Variants in ATP8A1 observed in about 807,000 individuals in gnomAD.
ATP8A1 encodes the protein phospholipid-transporting ATPase IA.
ATP8A1 carries 90 observed loss-of-function variants against 177.7 expected under a neutral mutation model. The observed-to-expected ratio is 0.51, with a 90% CI of 0.43 to 0.60. The LOEUF (loss-of-function observed/expected upper bound fraction) is 0.60. Among genes scored for constraint, ATP8A1 ranks in the 20% least tolerant of loss-of-function variants. The pLI, the probability that ATP8A1 is intolerant of heterozygous loss-of-function variation, is 0.00. For synonymous variants in ATP8A1, 493 were observed against 485.9 expected (o/e 1.01, Z -0.19); for missense variants, 1,072 against 1,392.8 (o/e 0.77, Z 3.67).
chr4:42,461,183 G>C (rs1719087714), intron 27 of ATP8A1, among the ~76,000 whole-genome samples: 1 of 151,406 alleles, frequency 6.6e-6, no homozygotes, highest in African/African-American at 2.4e-5. Context: ...GTGATTACAG[G>C]TGACAATGAT....
At chr4:42,647,378 A>G (rs1740641471) in intron 1 of ATP8A1, among the ~76,000 whole-genome samples, 1 of 152,206 alleles carries the variant, frequency 6.6e-6, no homozygotes, top group Admixed American at 6.5e-5. Context: ...ACATGTAGCT[A>G]CTGAGCACAT....
chr4:42,644,770 C>A (rs1298884438), intron 1 of ATP8A1, among the ~76,000 whole-genome samples: 1 of 151,294 alleles, frequency 6.6e-6, no homozygotes, highest in Non-Finnish European at 1.5e-5. Context: ...CTCATCTCAG[C>A]AATTAGGGAA....
At chr4:42,557,130 T>C (rs1164401720) in intron 15 of ATP8A1, among the ~76,000 whole-genome samples, 2 of 152,216 alleles carry the variant, frequency 1.3e-5, no homozygotes, top group Non-Finnish European at 2.9e-5. Context: ...ATGGAACACA[T>C]ATCTACATGT....
chr4:42,632,345 G>A (rs938632278), intron 1 of ATP8A1, among the ~76,000 whole-genome samples: 1 of 152,042 alleles, frequency 6.6e-6, no homozygotes, highest in Non-Finnish European at 1.5e-5. Flanking sequence ...GTAATATTCT[G>A]CTTGATTCCT....
At position 42,412,162 on chromosome 4, in the gene ATP8A1, C is replaced by A. The variant is rs937333200; in HGVS notation, c.*754G>T. ...ACAGAGTCACATTAACACGTGTGTC[C>A]TCTAACAAATAAACACGACAAACAA... is the stretch of plus-strand genomic sequence containing the variant. On this transcript the variant is annotated 3_prime_UTR_variant, in exon 37 of 37. Coordinates refer to ENST00000381668, the MANE Select transcript of ATP8A1 (RefSeq NM_006095.2). The A allele has an allele frequency of 7.9e-5, 12 of 152,128 alleles. No individual in the cohort carries two copies. The highest frequency in any genetic ancestry group is 2.4e-4 in the African/African-American group (10 of 41,428). The allele number at this position is 152,128 out of a possible 1,614,324, so 9.4% of individuals were successfully genotyped here.
chr4:42,636,119 T>TACACACACAC lies in ATP8A1; in HGVS notation c.50-9020_50-9011dup, dbSNP rs544619447. ...CTCCAAAGGAAAGCAATGGGCTTAA[T>TACACACACAC]ACACACACACACACACACACACACA... is the stretch of plus-strand genomic sequence containing the variant. On this transcript the variant is annotated intron_variant, in intron 1 of 36. Transcript: ENST00000381668. 1.4e-4 allele frequency among the ~76,000 whole-genome samples: 11 copies of TACACACACAC among 79,088 alleles called. No homozygotes were observed. In the South Asian group the frequency reaches 1.9e-3, roughly 14 times the overall value. The allele number at this position is 79,088 out of a possible 152,430, so 51.9% of individuals were successfully genotyped here.
intron 8 of ATP8A1, among the ~76,000 whole-genome samples, chr4:42,587,002 T>C (rs960478466): frequency 5.9e-5 from 9 of 152,230 alleles, no homozygotes; most frequent in African/African-American, 2.2e-4. Flanking sequence ...TGTGATGATC[T>C]AGTTCCAACA....
chr4:42,434,266 C>G (rs935803987), intron 33 of ATP8A1, among the ~76,000 whole-genome samples: 3 of 151,978 alleles, frequency 2.0e-5, no homozygotes, highest in African/African-American at 7.3e-5. Context: ...TATGATATCT[C>G]AGTGTTCAAT....
At chr4:42,415,038 T>TA (rs1422480502) in intron 35 of ATP8A1, 5 of 216,434 alleles carry the variant, frequency 2.3e-5, no homozygotes, top group Non-Finnish European at 4.6e-5. Context: ...ACAATTAAAA[T>TA]AAAAAAATAC....
At chr4:42,415,953 G>C (rs181304066) in intron 35 of ATP8A1, among the ~76,000 whole-genome samples, 71 of 152,286 alleles carry the variant, frequency 4.7e-4, no homozygotes, top group Admixed American at 6.5e-4. Context: ...AGTCTAGGGA[G>C]GTTAACTGGT....
rs532462463 is a variant in ATP8A1, at chr4:42,430,979, T to C, written c.3124-7274A>G. Reference sequence around the variant, plus strand: ...CATCCTCTCCCCTGCACTCAAGTCCTCCAGAGCATTTAACACAGTCCAGCC... The same window carrying C: ...CATCCTCTCCCCTGCACTCAAGTCCCCCAGAGCATTTAACACAGTCCAGCC... On this transcript the variant is annotated intron_variant, in intron 33 of 36. Coordinates refer to ENST00000381668, the MANE Select transcript of ATP8A1 (RefSeq NM_006095.2). 6.6e-5 allele frequency among the ~76,000 whole-genome samples: 10 copies of C among 151,968 alleles called. No individual in the cohort carries two copies. In the East Asian group the frequency reaches 1.9e-3, roughly 29 times the overall value.
chr4:42,561,055 T>C (rs1356236237), intron 15 of ATP8A1, among the ~76,000 whole-genome samples: 1 of 152,072 alleles, frequency 6.6e-6, no homozygotes, highest in Non-Finnish European at 1.5e-5. Flanking sequence ...CTGAAACATA[T>C]ATATGTAAAT....
At chr4:42,575,813 T>A in intron 12 of ATP8A1, 114 bp from the exon 13 acceptor site, 1 of 854,848 alleles carries the variant, frequency 1.2e-6, no homozygotes, top group Non-Finnish European at 1.9e-6. Flanking sequence ...TTTGATGAAC[T>A]ATATGTAGGC....
intron 22 of ATP8A1, among the ~76,000 whole-genome samples, chr4:42,510,165 T>C (rs1375555543): frequency 6.6e-6 from 1 of 152,184 alleles, no homozygotes; most frequent in African/African-American, 2.4e-5. Context: ...TTCCAAATAA[T>C]ATGGATGGTT....
rs1395503122 is a variant in ATP8A1 at position 42,533,679 on chromosome 4, C to T, written c.1723-8832G>A. Among the ~76,000 whole-genome samples, 5 of 152,276 alleles carry T rather than the reference C, an allele frequency of 3.3e-5. No homozygotes were observed. In the East Asian group the frequency reaches 9.7e-4, roughly 29 times the overall value. On this transcript the variant is annotated intron_variant, in intron 20 of 36. Coordinates refer to ENST00000381668, the MANE Select transcript of ATP8A1 (RefSeq NM_006095.2). ...CCTATACTATAGCAGCTGATGAGCT[C>T]TTGAAAGTGCCACCTCCTGGCTGGA...
At chr4:42,417,480 C>A (rs568209282) in intron 35 of ATP8A1, among the ~76,000 whole-genome samples, 1 of 152,196 alleles carries the variant, frequency 6.6e-6, no homozygotes, top group African/African-American at 2.4e-5. Context: ...TGCAATCACA[C>A]AACTACTACT....
At chr4:42,644,223 A>AT (rs1330163202) in intron 1 of ATP8A1, among the ~76,000 whole-genome samples, 4 of 152,214 alleles carry the variant, frequency 2.6e-5, no homozygotes, top group Admixed American at 6.5e-5. Context: ...AACCACAGGG[A>AT]TAAATTCCAC....
rs189516079 is a variant in ATP8A1 at position 42,520,986 on chromosome 4, C to T, written c.1947+1174G>A. ...GCTAGAACATGGCATCCCCACATTA[C>T]ATAAAGGGAGGGGACGTGAGGAGCA... On this transcript the variant is annotated intron_variant, in intron 22 of 36. Coordinates refer to ENST00000381668, the MANE Select transcript of ATP8A1 (RefSeq NM_006095.2). Among the ~76,000 whole-genome samples, 13 of 152,102 alleles carry T rather than the reference C, an allele frequency of 8.5e-5. No individual in the cohort carries two copies. The East Asian group carries it at 2.5e-3, about 29-fold the overall frequency.
chr4:42,458,901 A>T (rs1454483376), intron 27 of ATP8A1, among the ~76,000 whole-genome samples: 1 of 152,218 alleles, frequency 6.6e-6, no homozygotes, highest in Non-Finnish European at 1.5e-5. Context: ...CCCACGCCTG[A>T]TCAGCACAAA....
Sources: gnomAD v4.1 joint callset for allele counts (sites outside exome capture counted in the v4.1 genomes callset) on GRCh38, gnomAD v4.1.1 for gene constraint, MANE v1.5 for transcripts, NCBI Gene and HGNC (gene_info 2026-07-23, HGNC 2026-07-21) for gene names.